The following GALNT11 variants were observed in gnomAD, a reference collection of about 807,000 sequenced individuals.
GALNT11 encodes UDP-GalNAc:polypeptide N-acetylgalactosaminyltransferase 11.
A neutral mutation model predicts 72.7 loss-of-function variants in GALNT11; 47 were observed. The ratio of observed to expected loss-of-function variants is 0.65; its 90% confidence interval spans 0.51 to 0.82. The LOEUF is 0.82. Ranked by LOEUF, GALNT11 falls within the 40% of genes least tolerant of loss-of-function variation. GALNT11 has a pLI of 0.00. For synonymous variants in GALNT11, 270 were observed against 286.6 expected (o/e 0.94, Z 0.58); for missense variants, 677 against 778.4 (o/e 0.87, Z 1.55).
intron 1 of GALNT11, among the ~76,000 whole-genome samples, chr7:152,091,040 T>TTTGTTG (rs956414806): frequency 6.6e-6 from 1 of 151,198 alleles, no homozygotes; most frequent in African/African-American, 2.4e-5. Context: ...AGAGGGAGTT[T>TTTGTTG]TTGTTGTTGT....
intron 1 of GALNT11, among the ~76,000 whole-genome samples, chr7:152,038,816 C>T (rs1383493866): frequency 1.3e-5 from 2 of 152,212 alleles, no homozygotes; most frequent in Non-Finnish European, 2.9e-5. Flanking sequence ...GTCTGCAGCT[C>T]CTTCGAGCAC....
chr7:152,034,926 A>G (rs1263625013), intron 1 of GALNT11, among the ~76,000 whole-genome samples: 4 of 152,130 alleles, frequency 2.6e-5, no homozygotes, highest in African/African-American at 9.7e-5. Context: ...TTACTGATGC[A>G]TTCTCGAAAA....
intron 1 of GALNT11, among the ~76,000 whole-genome samples, chr7:152,075,806 A>C (rs2084926185): frequency 6.6e-6 from 1 of 151,890 alleles, no homozygotes; most frequent in Non-Finnish European, 1.5e-5. Flanking sequence ...CAAAAAAAAA[A>C]AAAAAGACAC....
chr7:152,075,671 C>T (rs1179149248), intron 1 of GALNT11, among the ~76,000 whole-genome samples: 2 of 152,104 alleles, frequency 1.3e-5, no homozygotes, highest in Admixed American at 1.3e-4. Flanking sequence ...TGGCGCATGC[C>T]TGTAATCCCA....
intron 1 of GALNT11, among the ~76,000 whole-genome samples, chr7:152,028,368 C>T (rs2082138958): frequency 6.6e-6 from 1 of 152,166 alleles, no homozygotes. Context: ...GGTGCGTTTA[C>T]AAACCTTTAG....
intron 3 of GALNT11, among the ~76,000 whole-genome samples, chr7:152,102,634 G>C (rs1005975573): frequency 6.6e-6 from 1 of 152,040 alleles, no homozygotes; most frequent in Non-Finnish European, 1.5e-5. Flanking sequence ...AGAAGAAACC[G>C]TATTGTTTTT....
chr7:152,052,394 A>G (rs750169149), intron 1 of GALNT11, among the ~76,000 whole-genome samples: 1 of 152,154 alleles, frequency 6.6e-6, no homozygotes, highest in Non-Finnish European at 1.5e-5. Flanking sequence ...TGTATACACT[A>G]TATATTTGTA....
chr7:152,035,082 G>A (rs36105131), intron 1 of GALNT11, among the ~76,000 whole-genome samples: 51 of 152,116 alleles, frequency 3.4e-4, no homozygotes, highest in Middle Eastern at 6.8e-3. Flanking sequence ...CTTTTTGTCC[G>A]CACTTATATG....
At chr7:152,087,390 C>CAT (rs2085716811) in intron 1 of GALNT11, among the ~76,000 whole-genome samples, 1 of 152,136 alleles carries the variant, frequency 6.6e-6, no homozygotes. Flanking sequence ...AGAGCCAGTG[C>CAT]ATAGTCCATA....
At chr7:152,116,257 T>A (rs2088836321) in intron 8 of GALNT11, among the ~76,000 whole-genome samples, 1 of 152,154 alleles carries the variant, frequency 6.6e-6, no homozygotes, top group Non-Finnish European at 1.5e-5. Flanking sequence ...ACTTTATTTA[T>A]CTTTGTTTTT....
intron 1 of GALNT11, among the ~76,000 whole-genome samples, chr7:152,070,635 C>A (rs927940410): frequency 6.6e-6 from 1 of 152,170 alleles, no homozygotes. Context: ...CATTTAAGGA[C>A]CCTTGTAATT....
chr7:152,109,515 C>G (rs1356035892), intron 6 of GALNT11, among the ~76,000 whole-genome samples: 1 of 152,144 alleles, frequency 6.6e-6, no homozygotes, highest in African/African-American at 2.4e-5. Context: ...AACTAATTTG[C>G]TGCCGAATTC....
rs115821173 is a variant in GALNT11, at chr7:152,058,655, G to T, written c.-39+32771G>T. ...CTGGCCAAGTTCTTAAAATAAGACG[G>T]AAGTAAAGTCTGACTCATCGATTGA... is the stretch of plus-strand genomic sequence containing the variant. On this transcript the variant is annotated intron_variant, in intron 1 of 11. Transcript: ENST00000430044. Among the ~76,000 whole-genome samples, 1,418 of 152,268 alleles carry T rather than the reference G, an allele frequency of 9.3e-3. 25 individuals are homozygous for T. Among genetic ancestry groups the T allele is most frequent in the African/African-American group, 0.033 (1,361 of 41,548 alleles).
At chr7:152,082,816 A>C (rs1469914638) in intron 1 of GALNT11, among the ~76,000 whole-genome samples, 1 of 152,214 alleles carries the variant, frequency 6.6e-6, no homozygotes, top group African/African-American at 2.4e-5. Context: ...TATGTTGTCA[A>C]GCTTTTGGAT....
chr7:152,074,798 C>G (rs1446291600), intron 1 of GALNT11, among the ~76,000 whole-genome samples: 1 of 152,198 alleles, frequency 6.6e-6, no homozygotes, highest in East Asian at 1.9e-4. Flanking sequence ...CCCCTGTTAT[C>G]TATTCCTGCC....
intron 1 of GALNT11, among the ~76,000 whole-genome samples, chr7:152,083,394 C>A (rs868118226): frequency 6.6e-6 from 1 of 152,140 alleles, no homozygotes; most frequent in African/African-American, 2.4e-5. Context: ...GTTCTGACAT[C>A]ATTTAGTTGA....
At chr7:152,072,779 A>T (rs79667514) in intron 1 of GALNT11, among the ~76,000 whole-genome samples, 1,778 of 152,304 alleles carry the variant, frequency 0.012, 36 homozygotes, top group African/African-American at 0.041. Context: ...CAGCCAATGG[A>T]GTCAGAACAC....
At chr7:152,055,699 T>C (rs1292444009) in intron 1 of GALNT11, among the ~76,000 whole-genome samples, 2 of 152,068 alleles carry the variant, frequency 1.3e-5, no homozygotes, top group East Asian at 3.8e-4. Context: ...CTATAAAGTA[T>C]ATAAACTCAA....
At chr7:152,098,373 C>T (rs890634554) in intron 2 of GALNT11, among the ~76,000 whole-genome samples, 1 of 151,388 alleles carries the variant, frequency 6.6e-6, no homozygotes, top group Non-Finnish European at 1.5e-5. Context: ...TACAGTGAGC[C>T]GAGATTGCAC....
Sources: gnomAD v4.1 joint callset for allele counts (sites outside exome capture counted in the v4.1 genomes callset) on GRCh38, gnomAD v4.1.1 for gene constraint, MANE v1.5 for transcripts, NCBI Gene and HGNC (gene_info 2026-07-23, HGNC 2026-07-21) for gene names.